The following DNAAF1 variants were observed in gnomAD, a reference collection of about 807,000 sequenced individuals.
The protein encoded by DNAAF1 is dynein assembly factor 1, axonemal.
DNAAF1 carries 65 observed loss-of-function variants against 71.1 expected under a neutral mutation model. The ratio of observed to expected loss-of-function variants is 0.91; its 90% CI spans 0.75 to 1.12. The LOEUF (loss-of-function observed/expected upper bound fraction) is 1.12. DNAAF1 is among the 50% of genes most tolerant of loss of function. The pLI is 0.00. For missense variants in DNAAF1, 1,178 were observed against 899.8 expected, an observed-to-expected ratio of 1.31 and a Z score of -3.96; for synonymous variants, 414 against 354.6, an observed-to-expected ratio of 1.17 and a Z score of -1.88.
At chr16:84,176,347 G>T in intron 11 of DNAAF1, 48 bp downstream of exon 11, 1 of 1,611,166 alleles carries the variant, frequency 6.2e-7, no homozygotes, top group Non-Finnish European at 8.5e-7. Context: ...TTGGCTCCCC[G>T]GCCTGGGATG....
rs1182820491 is a variant in DNAAF1, at chr16:84,172,137, A to G, written c.1529-123A>G. The G allele has an allele frequency of 2.9e-5, 26 of 900,826 alleles. No individual in the cohort carries two copies. In the East Asian group the frequency reaches 2.9e-4, roughly 10 times the overall value. 55.8% of individuals were successfully genotyped at this position (900,826 alleles called of 1,614,324 possible). A position where few individuals can be genotyped will look rare whatever the true frequency, so the allele number is the denominator to read the frequency against. ...TGTGATCCGCCCACCTTGGCCCCCC[A>G]AAGTGTTGGGATTACAGGCATGAGC... On this transcript the variant is annotated intron_variant, in intron 8 of 11. Coordinates refer to ENST00000378553, the MANE Select transcript of DNAAF1 (RefSeq NM_178452.6).
chr16:84,161,145 A>T (rs1399328267), intron 6 of DNAAF1, among the ~76,000 whole-genome samples: 2 of 152,106 alleles, frequency 1.3e-5, no homozygotes, highest in Non-Finnish European at 2.9e-5. Context: ...CACGTTCCTC[A>T]TCTGCAGCGT....
intron 5 of DNAAF1, among the ~76,000 whole-genome samples, chr16:84,156,212 C>G (rs80011045): frequency 0.016 from 2,382 of 152,290 alleles, 64 homozygotes; most frequent in African/African-American, 0.055. Context: ...ATCCACCCGC[C>G]TCAACCTCCC....
At position 84,177,759 on chromosome 16, in the gene DNAAF1, AGACGT is replaced by A. The variant is rs1288266102; in HGVS notation, c.2098_2102del (p.Thr700CysfsTer32). 3.1e-6 allele frequency: 5 copies of A among 1,614,016 alleles called. No individual in the cohort carries two copies. The South Asian group carries it at 5.5e-5, about 18-fold the overall frequency. On this transcript the variant is annotated frameshift_variant, in exon 12 of 12. Coordinates refer to ENST00000378553, the MANE Select transcript of DNAAF1 (RefSeq NM_178452.6). LOFTEE classifies it low-confidence loss of function (END_TRUNC). ...ACTGAGAGCGCCGCCACACCCCCAG[AGACGT>A]GTGTCGGAGTTGCCCAGCCCAGCCA...
At chr16:84,163,647 A>G (rs765852089) in intron 6 of DNAAF1, among the ~76,000 whole-genome samples, 17 of 151,724 alleles carry the variant, frequency 1.1e-4, no homozygotes, top group Non-Finnish European at 2.2e-4. Context: ...CCAAAGTGCT[A>G]GGATTACAGG....
chr16:84,154,379 G>A (rs996288844), intron 3 of DNAAF1, among the ~76,000 whole-genome samples, 198 bp from the exon 4 acceptor site: 2 of 152,058 alleles, frequency 1.3e-5, no homozygotes, highest in Admixed American at 6.6e-5. Flanking sequence ...CCATTCCTGA[G>A]GGTTCTTCTC....
Position 84,175,964 on chromosome 16 carries a change from C to T in DNAAF1, c.1730C>T (p.Ser577Leu), listed in dbSNP as rs776318844. Residue 577 changes from serine (S) to leucine (L), a missense_variant, in exon 11 of 12, where the codon TCG (serine) becomes TTG (leucine). By Grantham distance (145) the Ser-to-Leu change is moderately radical. Transcript: ENST00000378553. ...TGCTTTCCGAAGATTGAGGTCATCT[C>T]GAGCTTGAGTGATGACAGTGACCCT... is the stretch of plus-strand genomic sequence containing the variant. ...NMCFPKIEVISSLSDDSDPEL... is the reference protein window; with the variant it reads ...NMCFPKIEVILSLSDDSDPEL... The T allele has an allele frequency of 2.4e-5, 39 of 1,614,182 alleles. 1 individual carries two copies. Among genetic ancestry groups the T allele is most frequent in the African/African-American group, 4.0e-5 (3 of 75,056 alleles).
chr16:84,151,388 C>A (rs947392728), intron 3 of DNAAF1, among the ~76,000 whole-genome samples: 1 of 152,106 alleles, frequency 6.6e-6, no homozygotes, highest in Non-Finnish European at 1.5e-5. Context: ...GGAACGACTC[C>A]TATGGGTCTC....
chr16:84,161,193 C>T (rs771280154), intron 6 of DNAAF1, among the ~76,000 whole-genome samples: 4 of 152,256 alleles, frequency 2.6e-5, no homozygotes, highest in East Asian at 3.9e-4. Context: ...TCCCTGTGAG[C>T]GCCTGTGAGC....
chr16:84,166,037 ATTTTTTTTT>A lies in DNAAF1; in HGVS notation c.1030+107_1030+115del, dbSNP rs58906103. 269 of 1,085,558 alleles carry A rather than the reference ATTTTTTTTT, an allele frequency of 2.5e-4. 3 individuals are homozygous for A. Among genetic ancestry groups the A allele is most frequent in the African/African-American group, 3.5e-4 (18 of 51,272 alleles). The allele number at this position is 1,085,558 out of a possible 1,614,324, so 67.2% of individuals were successfully genotyped here. ...TCAAACCCAGTCTTTAATCTTGGGAATTTTTTTTTTTTTTTTTTTTTTTTTTTAGACAGA... is the reference window on the plus strand; with the variant it reads ...TCAAACCCAGTCTTTAATCTTGGGAATTTTTTTTTTTTTTTTTTAGACAGA... On this transcript the variant is annotated intron_variant, in intron 7 of 11. Transcript: ENST00000378553.
At chr16:84,174,638 C>T in intron 9 of DNAAF1, 31 bp from the exon 10 acceptor site, 1 of 1,614,146 alleles carries the variant, frequency 6.2e-7, no homozygotes, top group Non-Finnish European at 8.5e-7. Flanking sequence ...GTGTACCTCC[C>T]TGGTGATGTG....
chr16:84,173,232 G>C (rs1291049147), intron 9 of DNAAF1: 1 of 957,124 alleles, frequency 1.0e-6, no homozygotes, highest in Non-Finnish European at 1.2e-6. Context: ...GGGAGGCCGA[G>C]GTGGCTGGAT....
chr16:84,160,160 A>G (rs1232746575), intron 6 of DNAAF1, among the ~76,000 whole-genome samples: 1 of 152,256 alleles, frequency 6.6e-6, no homozygotes, highest in Non-Finnish European at 1.5e-5. Flanking sequence ...ACAACCTCAC[A>G]TAACATAACC....
intron 9 of DNAAF1, 83 bp from the exon 10 acceptor site, chr16:84,174,586 G>T: frequency 1.2e-6 from 2 of 1,612,540 alleles, no homozygotes; most frequent in South Asian, 2.2e-5. Context: ...TGGGTTGACT[G>T]CGTGTTTGCC....
chr16:84,174,449 T>C lies in DNAAF1; in HGVS notation c.1645-220T>C. 4 of 1,421,692 alleles carry C rather than the reference T, an allele frequency of 2.8e-6. No individual in the cohort carries two copies. The East Asian group carries it at 7.8e-5, about 28-fold the overall frequency. 88.1% of individuals were successfully genotyped at this position (1,421,692 alleles called of 1,614,324 possible). The stretch of plus-strand genomic sequence containing the variant: ...CTTTAAACACGTCACACCTTGCAAG[T>C]TCCCTTTCATTTATTAGATCCAGAC... On this transcript the variant is annotated intron_variant, in intron 9 of 11. Coordinates refer to ENST00000378553, the MANE Select transcript of DNAAF1 (RefSeq NM_178452.6).
intron 11 of DNAAF1, 90 bp downstream of exon 11, chr16:84,176,389 T>A: frequency 1.3e-6 from 2 of 1,581,954 alleles, no homozygotes; most frequent in Admixed American, 1.7e-5. Context: ...AGCCTTACCC[T>A]GAGCTTTCAT....
At chr16:84,149,229 G>A (rs2087068444) in intron 2 of DNAAF1, 87 bp downstream of exon 2, 2 of 1,545,618 alleles carry the variant, frequency 1.3e-6, no homozygotes, top group African/African-American at 1.4e-5. Context: ...TGAAATAGAG[G>A]CTGGTAGAGA....
intron 11 of DNAAF1, chr16:84,177,301 A>G: frequency 3.6e-6 from 1 of 277,960 alleles, no homozygotes; most frequent in Non-Finnish European, 7.1e-6. Flanking sequence ...TGTTTGAGAC[A>G]GTCTCGCACT....
intron 6 of DNAAF1, among the ~76,000 whole-genome samples, chr16:84,164,642 C>CA (rs1234838334): frequency 4.6e-5 from 7 of 152,154 alleles, no homozygotes; most frequent in Admixed American, 3.9e-4. Context: ...CTGGGTGTGC[C>CA]AGAGTTTGTT....
Sources: allele counts gnomAD v4.1 joint callset (sites outside exome capture counted in the v4.1 genomes callset), GRCh38; gene constraint gnomAD v4.1.1; transcripts MANE v1.5; gene names NCBI Gene and HGNC (gene_info 2026-07-23, HGNC 2026-07-21).